The following PRIM2 variants were observed in gnomAD, a reference collection of about 807,000 sequenced individuals.
The protein encoded by PRIM2 is DNA primase large subunit.
Under a neutral mutation model 67.3 loss-of-function variants are expected in PRIM2, and 39 were observed. The observed-to-expected ratio is 0.58, with a 90% CI of 0.45 to 0.76. PRIM2 has a LOEUF of 0.76. Ranked by LOEUF, PRIM2 falls within the 30% of genes least tolerant of loss-of-function variation. PRIM2 has a pLI of 0.00. For synonymous variants in PRIM2, 143 were observed against 198.7 expected (o/e 0.72, Z 2.36); for missense variants, 398 against 598.7 (o/e 0.66, Z 3.50).
chr6:57,330,348 G>GGTTTTTTTTTTTTTTTT (rs1768009702), intron 5 of PRIM2, among the ~76,000 whole-genome samples: 2 of 87,838 alleles, frequency 2.3e-5, no homozygotes, highest in East Asian at 6.4e-4. Context: ...TGCTGAACTT[G>GGTTTTTTTTTTTTTTTT]TTTTTTTTTT....
At chr6:57,432,221 T>TG (rs561001849) in intron 7 of PRIM2, among the ~76,000 whole-genome samples, 8,253 of 152,170 alleles carry the variant, frequency 0.054, 321 homozygotes, top group Non-Finnish European at 0.082. Flanking sequence ...TTTCCATTTT[T>TG]GGGGGGGGTT....
chr6:57,311,090 C>T (rs866070129), upstream of PRIM2, among the ~76,000 whole-genome samples: 35 of 143,072 alleles, frequency 2.4e-4, no homozygotes, highest in African/African-American at 5.5e-4. Context: ...ACTTCCCAGA[C>T]GGGGTGGTGG....
intron 10 of PRIM2, among the ~76,000 whole-genome samples, chr6:57,571,187 C>G (rs1364197404): frequency 6.5e-4 from 99 of 152,004 alleles, no homozygotes; most frequent in African/African-American, 2.4e-3. Context: ...CATAAACTTA[C>G]AATTTTATTG....
chr6:57,305,964 G>A, the PRIM2 span, among the ~76,000 whole-genome samples: 7 of 152,290 alleles, frequency 4.6e-5, no homozygotes, highest in South Asian at 2.1e-4. Context: ...GTGTCATAGA[G>A]TCATTATCCA....
chr6:57,450,635 A>C (rs1370529648), intron 7 of PRIM2, among the ~76,000 whole-genome samples: 1 of 152,212 alleles, frequency 6.6e-6, no homozygotes, highest in Admixed American at 6.5e-5. Flanking sequence ...GAATTACTAC[A>C]TTTGGCCCGT....
chr6:57,481,971 T>C (rs1164641304), intron 7 of PRIM2, among the ~76,000 whole-genome samples: 3,297 of 152,282 alleles, frequency 0.022, 57 homozygotes, highest in Non-Finnish European at 0.036. Context: ...GGTTAGAAGC[T>C]GTTGAACTAG....
intron 5 of PRIM2, among the ~76,000 whole-genome samples, chr6:57,360,734 C>G (rs1339619500): frequency 6.6e-6 from 1 of 152,176 alleles, no homozygotes; most frequent in East Asian, 1.9e-4. Flanking sequence ...CAAGATACAG[C>G]ATCAAAATTC....
In PRIM2 at chr6:57,642,435, C is replaced by CTTTTTTTTTTTTTTTTTT. The variant is rs1156576933; in HGVS notation, c.1300-3485_1300-3468dup. Among the ~76,000 whole-genome samples, 24 of 83,182 alleles carry CTTTTTTTTTTTTTTTTTT rather than the reference C, an allele frequency of 2.9e-4. 2 individuals are homozygous for CTTTTTTTTTTTTTTTTTT. The highest frequency in any genetic ancestry group is 4.7e-4 in the South Asian group (1 of 2,118). 54.6% of individuals were successfully genotyped at this position (83,182 alleles called of 152,430 possible). A position where few individuals can be genotyped will look rare whatever the true frequency, so the allele number is the denominator to read the frequency against. The stretch of plus-strand genomic sequence containing the variant: ...TATGCACATACCTTAAATATTATAT[C>CTTTTTTTTTTTTTTTTTT]TTTTTTTTTTTTTTTTTTTTTTTTT... On this transcript the variant is annotated intron_variant, in intron 13 of 13. Coordinates refer to ENST00000615550, the MANE Select transcript of PRIM2 (RefSeq NM_000947.5).
At chr6:57,599,876 G>A (rs1215701898) in intron 10 of PRIM2, among the ~76,000 whole-genome samples, 2 of 152,172 alleles carry the variant, frequency 1.3e-5, no homozygotes, top group African/African-American at 4.8e-5. Context: ...TGCCCTGACT[G>A]CAATGCCACG....
At chr6:57,333,874 T>C (rs1457537356) in intron 5 of PRIM2, among the ~76,000 whole-genome samples, 2 of 152,228 alleles carry the variant, frequency 1.3e-5, no homozygotes, top group Non-Finnish European at 2.9e-5. Flanking sequence ...ATCTAGCTAA[T>C]TAACAAATGT....
intron 10 of PRIM2, among the ~76,000 whole-genome samples, chr6:57,597,205 C>T (rs1162829202): frequency 3.9e-5 from 6 of 152,286 alleles, no homozygotes; most frequent in South Asian, 2.1e-4. Context: ...TGCTGCTGTG[C>T]GTTCTTTTGA....
the PRIM2 span, among the ~76,000 whole-genome samples, chr6:57,280,988 T>C: frequency 6.6e-6 from 1 of 152,186 alleles, no homozygotes; most frequent in Non-Finnish European, 1.5e-5. Context: ...CTACTCTCTA[T>C]CTTGATGAGA....
intron 7 of PRIM2, among the ~76,000 whole-genome samples, chr6:57,502,046 C>G (rs1774142356): frequency 6.6e-6 from 1 of 152,100 alleles, no homozygotes; most frequent in Non-Finnish European, 1.5e-5. Context: ...CCACCAAAAA[C>G]CAGAGAGACA....
At chr6:57,277,161 AGT>A in the PRIM2 span, among the ~76,000 whole-genome samples, 4 of 152,102 alleles carry the variant, frequency 2.6e-5, 1 homozygote, top group African/African-American at 9.7e-5. Context: ...GAGGTCAGAG[AGT>A]GTGTTTGCTG....
chr6:57,529,049 G>T (rs1157447426), intron 8 of PRIM2, among the ~76,000 whole-genome samples: 1 of 152,134 alleles, frequency 6.6e-6, no homozygotes, highest in Non-Finnish European at 1.5e-5. Context: ...AGTGGCTCAC[G>T]CCTGTAATCC....
intron 12 of PRIM2, among the ~76,000 whole-genome samples, chr6:57,626,752 G>A (rs1776955874): frequency 6.6e-6 from 1 of 151,640 alleles, no homozygotes; most frequent in Admixed American, 6.6e-5. Context: ...AGCCCCCCAA[G>A]TAGCTGGGAC....
At chr6:57,395,188 G>A (rs1371799380) in intron 7 of PRIM2, among the ~76,000 whole-genome samples, 2 of 152,168 alleles carry the variant, frequency 1.3e-5, no homozygotes, top group African/African-American at 4.8e-5. Flanking sequence ...TAATGAATTA[G>A]GGAGGGTTCC....
At chr6:57,296,006 T>G in the PRIM2 span, among the ~76,000 whole-genome samples, 6 of 152,302 alleles carry the variant, frequency 3.9e-5, no homozygotes, top group South Asian at 2.1e-4. Flanking sequence ...TATCAATGTT[T>G]CATACATTCA....
chr6:57,482,158 A>ATT (rs1178449432), intron 7 of PRIM2, among the ~76,000 whole-genome samples: 2 of 145,844 alleles, frequency 1.4e-5, no homozygotes, highest in Non-Finnish European at 1.5e-5. Context: ...AATAATTTGG[A>ATT]TTTTTTTTTT....
Sources: allele counts gnomAD v4.1 joint callset (sites outside exome capture counted in the v4.1 genomes callset), GRCh38; gene constraint gnomAD v4.1.1; transcripts MANE v1.5; gene names NCBI Gene and HGNC (gene_info 2026-07-23, HGNC 2026-07-21).